The following KIRREL1 variants were observed in gnomAD, a reference collection of about 807,000 sequenced individuals.
KIRREL1 encodes the protein kin of IRRE-like protein 1.
In KIRREL1, 25 loss-of-function variants were observed where a neutral mutation model predicts 83.3. The observed-to-expected ratio is 0.30, with a 90% CI of 0.22 to 0.42. The LOEUF is 0.42. KIRREL1 is among the 10% of genes least tolerant of loss of function. The probability of loss-of-function intolerance (pLI) is 1.00; values close to 1 mark genes in which losing one functional copy is unlikely to be tolerated. For missense variants in KIRREL1, 812 were observed against 1,032.3 expected, an observed-to-expected ratio of 0.79 and a Z score of 2.92; for synonymous variants, 388 against 410.4, an observed-to-expected ratio of 0.95 and a Z score of 0.66.
chr1:158,000,835 C>G (rs1659341128), intron 1 of KIRREL1, among the ~76,000 whole-genome samples: 1 of 152,184 alleles, frequency 6.6e-6, no homozygotes, highest in Non-Finnish European at 1.5e-5. Context: ...AGTCAACCTC[C>G]TCAGGATTAA....
At chr1:158,054,493 A>G (rs1046393839) in intron 1 of KIRREL1, among the ~76,000 whole-genome samples, 2 of 152,112 alleles carry the variant, frequency 1.3e-5, no homozygotes, top group Non-Finnish European at 2.9e-5. Context: ...AGGAACTTGT[A>G]AGGACATTTT....
In KIRREL1 at chr1:158,096,904, C is replaced by A. The variant is rs557646758; in HGVS notation, c.*1784C>A. On this transcript the variant is annotated 3_prime_UTR_variant, in exon 15 of 15. Coordinates refer to ENST00000359209, the MANE Select transcript of KIRREL1 (RefSeq NM_018240.7). ...GTGGTCACCATTCATAATTCATGTT[C>A]GCTTTAATGAGTTACATGCTTATCA... 1 of 456,766 alleles carries A rather than the reference C, an allele frequency of 2.2e-6. No individual in the cohort carries two copies. Among genetic ancestry groups the A allele is most frequent in the South Asian group, 1.5e-5 (1 of 64,562 alleles). The allele number at this position is 456,766 out of a possible 1,614,324, so 28.3% of individuals were successfully genotyped here. A position where few individuals can be genotyped will look rare whatever the true frequency, so the allele number is the denominator to read the frequency against.
chr1:158,096,645 C>T lies in KIRREL1; in HGVS notation c.*1525C>T, dbSNP rs899744293. The T allele has an allele frequency of 2.0e-5, 9 of 456,732 alleles. No homozygotes were observed. Among genetic ancestry groups the T allele is most frequent in the Middle Eastern group, 3.3e-4 (1 of 3,074 alleles). 28.3% of individuals were successfully genotyped at this position (456,732 alleles called of 1,614,324 possible). A position where few individuals can be genotyped will look rare whatever the true frequency, so the allele number is the denominator to read the frequency against. Reference sequence around the variant, plus strand: ...AGGCATTACACAGGCCATTTCTCCTCCTCCATGTGCACGCACATCCAACAC... The same window carrying T: ...AGGCATTACACAGGCCATTTCTCCTTCTCCATGTGCACGCACATCCAACAC... On this transcript the variant is annotated 3_prime_UTR_variant, in exon 15 of 15. Coordinates refer to ENST00000359209, the MANE Select transcript of KIRREL1 (RefSeq NM_018240.7).
intron 1 of KIRREL1, among the ~76,000 whole-genome samples, chr1:158,057,899 C>G (rs1661108569): frequency 6.6e-6 from 1 of 152,180 alleles, no homozygotes; most frequent in South Asian, 2.1e-4. Flanking sequence ...AAGGTAGTAC[C>G]TAGGGGCTTT....
rs757563195 is a variant in KIRREL1 at position 158,089,624 on chromosome 1, G to T, written c.1167G>T (p.Val389=). 1.2e-6 allele frequency: 2 copies of T among 1,613,496 alleles called. No homozygotes were observed. The highest frequency in any genetic ancestry group is 1.1e-5 in the South Asian group (1 of 91,046). The change falls in exon 9 of 15, where the codon GTG becomes GTT. Residue 389 remains valine, a synonymous_variant. Coordinates refer to ENST00000359209, the MANE Select transcript of KIRREL1 (RefSeq NM_018240.7). The part of the protein sequence containing the change: ...GVAEREVPLY[V]NGPPIISSEA... ...CTGAGCGGGAGGTGCCGCTCTATGT[G>T]AACGGTGAGTGAGTGGCCTGAGAGG...
At chr1:158,088,213 G>A (rs1662076695) in intron 7 of KIRREL1, 59 bp downstream of exon 7, 4 of 1,613,070 alleles carry the variant, frequency 2.5e-6, no homozygotes, top group Non-Finnish European at 3.4e-6. Context: ...AAGGGCCTTG[G>A]ACAGAGTCGG....
At chr1:158,082,949 C>A (rs961235862) in intron 3 of KIRREL1, among the ~76,000 whole-genome samples, 1 of 152,144 alleles carries the variant, frequency 6.6e-6, no homozygotes, top group African/African-American at 2.4e-5. Context: ...AAATTATAAT[C>A]AAAATCCTTC....
intron 1 of KIRREL1, among the ~76,000 whole-genome samples, chr1:158,004,623 G>T (rs1479266009): frequency 6.6e-6 from 1 of 152,178 alleles, no homozygotes; most frequent in Non-Finnish European, 1.5e-5. Flanking sequence ...TCAGGACGGT[G>T]TACAGTAAGC....
At chr1:157,994,599 G>T (rs1659140191) in intron 1 of KIRREL1, among the ~76,000 whole-genome samples, 1 of 151,970 alleles carries the variant, frequency 6.6e-6, no homozygotes, top group South Asian at 2.1e-4. Context: ...GGGAACCAAG[G>T]GTCCAGACTG....
intron 1 of KIRREL1, among the ~76,000 whole-genome samples, chr1:158,007,126 CT>C (rs1016367620): frequency 6.6e-6 from 1 of 152,124 alleles, no homozygotes; most frequent in African/African-American, 2.4e-5. Context: ...AGGCAGGAGA[CT>C]TGGTTTCTGT....
intron 1 of KIRREL1, among the ~76,000 whole-genome samples, chr1:158,073,749 C>G (rs11264896): frequency 0.2 from 29,827 of 152,166 alleles, 3,007 homozygotes; most frequent in African/African-American, 0.22. Flanking sequence ...CTCATCTCCA[C>G]AAGACCCCCG....
At position 158,084,532 on chromosome 1, in the gene KIRREL1, A is replaced by C. The variant is rs981182792; in HGVS notation, c.463A>C (p.Ile155Leu). The C allele has an allele frequency of 6.4e-7, 1 of 1,551,732 alleles. No homozygotes were observed. Among genetic ancestry groups the C allele is most frequent in the Non-Finnish European group, 8.7e-7 (1 of 1,146,998 alleles). ...AFNAKPAATI[I>L]WFRDGTQQEG... ...CAATGCGAAGCCTGCTGCCACCATCATCTGGTTCCGGGACGGGACGCAGCA... is the reference window on the plus strand; with the variant it reads ...CAATGCGAAGCCTGCTGCCACCATCCTCTGGTTCCGGGACGGGACGCAGCA... Residue 155 changes from isoleucine (I) to leucine (L), a missense_variant, in exon 4 of 15, where the codon ATC (isoleucine) becomes CTC (leucine). Physicochemically the swap from Ile to Leu is conservative, Grantham distance 5 (BLOSUM62 2). Around this residue, in one of 3 missense-constraint regions of KIRREL1, gnomAD observed 472 missense variants for 626.8 expected, o/e 0.75. Transcript: ENST00000359209.
chr1:158,010,802 T>C (rs1307829652), intron 1 of KIRREL1, among the ~76,000 whole-genome samples: 1 of 151,964 alleles, frequency 6.6e-6, no homozygotes, highest in Non-Finnish European at 1.5e-5. Context: ...TGGTGTGTAC[T>C]GGGAATCATT....
chr1:158,069,837 T>C (rs746618496), intron 1 of KIRREL1, among the ~76,000 whole-genome samples: 1 of 152,140 alleles, frequency 6.6e-6, no homozygotes, highest in Non-Finnish European at 1.5e-5. Context: ...GTGCCTACCT[T>C]ATTGGGTTGT....
At position 158,094,831 on chromosome 1, in the gene KIRREL1, G is replaced by A. The variant is rs1346681119; in HGVS notation, c.1985G>A (p.Gly662Asp). The A allele has an allele frequency of 6.2e-7, 1 of 1,613,936 alleles. No individual in the cohort carries two copies. ...TYSRGPASDY[G>D]PEPTPPGPAA... ...AGCCGGGGCCCTGCCTCTGACTATG[G>A]CCCTGAGCCCACACCCCCTGGCCCT... The change falls in exon 15 of 15, where the codon GGC becomes GAC. Residue 662 changes from glycine to aspartate, a missense_variant. By Grantham distance (94) the Gly-to-Asp change is moderately conservative. Coordinates refer to ENST00000359209, the MANE Select transcript of KIRREL1 (RefSeq NM_018240.7). This position sits in a 1 kb window ranked among gnomAD's most constrained non-coding sequence, Gnocchi z 4.6.
chr1:158,041,735 G>T (rs1337528397), intron 1 of KIRREL1, among the ~76,000 whole-genome samples: 1 of 152,148 alleles, frequency 6.6e-6, no homozygotes, highest in East Asian at 1.9e-4. Flanking sequence ...CTTACCTACT[G>T]TGTGCGTGAT....
intron 2 of KIRREL1, among the ~76,000 whole-genome samples, chr1:158,076,935 T>A (rs1447589715): frequency 6.6e-6 from 1 of 152,186 alleles, no homozygotes; most frequent in African/African-American, 2.4e-5. Context: ...TAGTCCTGCC[T>A]CCGCCAGCTG....
rs150298417 is a variant in KIRREL1 at position 158,079,925 on chromosome 1, C to T, written c.352+1785C>T. Among the ~76,000 whole-genome samples, 223 of 152,316 alleles carry T rather than the reference C, an allele frequency of 1.5e-3. 2 individuals carry two copies. Among genetic ancestry groups the T allele is most frequent in the African/African-American group, 5.2e-3 (218 of 41,556 alleles). ...GTGAGGACTGGAGGGACCCAACAGC[C>T]AATTTCATTGGATGTAAAGGCCCTG... is the stretch of plus-strand genomic sequence containing the variant. On this transcript the variant is annotated intron_variant, in intron 3 of 14. Transcript: ENST00000359209.
chr1:157,994,804 A>T (rs556713085), intron 1 of KIRREL1, among the ~76,000 whole-genome samples: 41 of 152,242 alleles, frequency 2.7e-4, no homozygotes, highest in African/African-American at 9.4e-4. Flanking sequence ...CCCCACAAAC[A>T]TCCCCCACAC....
Sources: gnomAD v4.1 joint callset for allele counts (sites outside exome capture counted in the v4.1 genomes callset) on GRCh38, gnomAD v4.1.1 for gene constraint, gnomAD v4.1.1 regional missense constraint, Gnocchi (gnomAD v3.1) non-coding constraint, MANE v1.5 for transcripts, NCBI Gene and HGNC (gene_info 2026-07-23, HGNC 2026-07-21) for gene names.